KCNQ3: variants seen among roughly 807,000 people sequenced by gnomAD.
The protein encoded by KCNQ3 is potassium voltage-gated channel subfamily KQT member 3.
Under a neutral mutation model 92.5 loss-of-function variants are expected in KCNQ3, and 30 were observed. That is an observed-to-expected ratio of 0.32 (90% confidence interval 0.24 to 0.44). The LOEUF is 0.44. Among genes scored for constraint, KCNQ3 ranks in the 20% least tolerant of loss-of-function variants. KCNQ3 has a pLI of 1.00. For missense variants in KCNQ3, 913 were observed against 1,140.3 expected, an observed-to-expected ratio of 0.80 and a Z score of 2.87; for synonymous variants, 450 against 468.8, an observed-to-expected ratio of 0.96 and a Z score of 0.52.
chr8:132,157,844 A>T (rs1344124843), intron 9 of KCNQ3, among the ~76,000 whole-genome samples: 2 of 151,916 alleles, frequency 1.3e-5, no homozygotes, highest in Non-Finnish European at 2.9e-5. Flanking sequence ...CCATCCACCG[A>T]CAGGCCCCGG....
intron 1 of KCNQ3, among the ~76,000 whole-genome samples, chr8:132,379,752 CT>C (rs1819696729): frequency 6.6e-6 from 1 of 152,178 alleles, no homozygotes. Context: ...ATTTATTCAT[CT>C]AGCTAATTGT....
chr8:132,224,081 A>ATTTTTTTTTTTTTTTTTTTTTTTTTT lies in KCNQ3; in HGVS notation c.387-37926_387-37901dup, dbSNP rs1164773143. On this transcript the variant is annotated intron_variant, in intron 1 of 14. Coordinates refer to ENST00000388996, the MANE Select transcript of KCNQ3 (RefSeq NM_004519.4). ...CAGACACACACCATCATGCCAGGCT[A>ATTTTTTTTTTTTTTTTTTTTTTTTTT]TTTTTTTTTTTTTTTTTTTTTTTTT... is the stretch of plus-strand genomic sequence containing the variant. Among the ~76,000 whole-genome samples, 9 of 39,460 alleles carry ATTTTTTTTTTTTTTTTTTTTTTTTTT rather than the reference A, an allele frequency of 2.3e-4. 1 individual carries two copies. The highest frequency in any genetic ancestry group is 4.1e-4 in the Non-Finnish European group (8 of 19,696). The allele number at this position is 39,460 out of a possible 152,430, so 25.9% of individuals were successfully genotyped here.
intron 9 of KCNQ3, among the ~76,000 whole-genome samples, chr8:132,159,299 A>ATTCT (rs965674043): frequency 1.3e-5 from 2 of 152,172 alleles, no homozygotes; most frequent in Admixed American, 1.3e-4. Context: ...TTCGTCCCTC[A>ATTCT]TTCTTTGAGG....
At chr8:132,179,633 T>C (rs1248400001) in intron 4 of KCNQ3, among the ~76,000 whole-genome samples, 1 of 152,178 alleles carries the variant, frequency 6.6e-6, no homozygotes, top group African/African-American at 2.4e-5. Flanking sequence ...CACATATCAA[T>C]TCATTTCATC....
intron 8 of KCNQ3, among the ~76,000 whole-genome samples, chr8:132,166,941 G>C (rs1043747163): frequency 3.9e-5 from 6 of 152,132 alleles, no homozygotes; most frequent in Non-Finnish European, 7.4e-5. Context: ...ATACCCAAGA[G>C]AGTTGAAAAC....
chr8:132,196,875 A>G (rs1827312864), intron 1 of KCNQ3, among the ~76,000 whole-genome samples: 1 of 152,216 alleles, frequency 6.6e-6, no homozygotes, highest in South Asian at 2.1e-4. Flanking sequence ...AATAGGGATG[A>G]AAATAGCTCC....
At chr8:132,439,379 G>A (rs149365669) in intron 1 of KCNQ3, among the ~76,000 whole-genome samples, 284 of 152,190 alleles carry the variant, frequency 1.9e-3, no homozygotes, top group African/African-American at 5.3e-3. Context: ...CAGCAGGACC[G>A]CGGCTTCATG....
At chr8:132,294,194 G>A (rs924085391) in intron 1 of KCNQ3, among the ~76,000 whole-genome samples, 1 of 152,002 alleles carries the variant, frequency 6.6e-6, no homozygotes, top group Non-Finnish European at 1.5e-5. Context: ...GTAGAGACAG[G>A]GTTTCACCGT....
rs1824733232 is a variant in KCNQ3, at chr8:132,128,222, G to GT, written c.*1039dup. 1 of 152,152 alleles carries GT rather than the reference G, an allele frequency of 6.6e-6. No individual in the cohort carries two copies. The highest frequency in any genetic ancestry group is 2.4e-5 in the African/African-American group (1 of 41,426). 9.4% of individuals were successfully genotyped at this position (152,152 alleles called of 1,614,324 possible). ...GGGCAGACCTGACTTTTGAGTCCTGGTTCTCTATGGGACAACTGAGTGACT... is the reference window on the plus strand; with the variant it reads ...GGGCAGACCTGACTTTTGAGTCCTGGTTTCTCTATGGGACAACTGAGTGACT... On this transcript the variant is annotated 3_prime_UTR_variant, in exon 15 of 15. Coordinates refer to ENST00000388996, the MANE Select transcript of KCNQ3 (RefSeq NM_004519.4).
intron 1 of KCNQ3, chr8:132,186,623 A>G: frequency 3.3e-6 from 1 of 303,506 alleles, no homozygotes; most frequent in Non-Finnish European, 6.4e-6. Flanking sequence ...ACACAAATTT[A>G]TTCCAAAGAT....
chr8:132,452,313 T>C (rs1014568270), intron 1 of KCNQ3, among the ~76,000 whole-genome samples: 1 of 152,208 alleles, frequency 6.6e-6, no homozygotes, highest in Non-Finnish European at 1.5e-5. Context: ...TAAACTCCTC[T>C]AGGTGCCTCT....
At chr8:132,353,062 T>C (rs1479654759) in intron 1 of KCNQ3, among the ~76,000 whole-genome samples, 1 of 152,154 alleles carries the variant, frequency 6.6e-6, no homozygotes, top group Non-Finnish European at 1.5e-5. Flanking sequence ...CTGTCTCTAC[T>C]GAAAATACAA....
chr8:132,212,983 T>C (rs1396439501), intron 1 of KCNQ3, among the ~76,000 whole-genome samples: 1 of 152,228 alleles, frequency 6.6e-6, no homozygotes, highest in Non-Finnish European at 1.5e-5. Flanking sequence ...GTGCAGCCTC[T>C]GTATTCACTA....
chr8:132,480,680 A>AC lies in KCNQ3; in HGVS notation c.-149_-148insG. 2 of 624,632 alleles carry AC rather than the reference A, an allele frequency of 3.2e-6. No individual in the cohort carries two copies. The highest frequency in any genetic ancestry group is 3.8e-6 in the Non-Finnish European group (2 of 526,468). The allele number at this position is 624,632 out of a possible 1,614,324, so 38.7% of individuals were successfully genotyped here. ...CGCGCGCCCCTCCCCACCCCCCCCC[A>AC]AAAGCAGGCAAAGGCGGGCCCCCTG... On this transcript the variant is annotated 5_prime_UTR_variant, in exon 1 of 15. Transcript: ENST00000388996.
intron 1 of KCNQ3, among the ~76,000 whole-genome samples, chr8:132,318,767 C>G (rs1419720720): frequency 1.3e-5 from 2 of 152,192 alleles, no homozygotes; most frequent in East Asian, 3.8e-4. Context: ...GAACAATTTG[C>G]TGAGTGCCAA....
chr8:132,412,759 A>G (rs1367525564), intron 1 of KCNQ3, among the ~76,000 whole-genome samples: 2 of 152,192 alleles, frequency 1.3e-5, no homozygotes, highest in Non-Finnish European at 2.9e-5. Context: ...GGAAGAGGAC[A>G]GTCCATCACT....
At chr8:132,269,103 A>G (rs770940688) in intron 1 of KCNQ3, among the ~76,000 whole-genome samples, 11 of 152,248 alleles carry the variant, frequency 7.2e-5, no homozygotes, top group Non-Finnish European at 1.3e-4. Flanking sequence ...TTTTCTTTGT[A>G]TATTTGGACA....
At chr8:132,305,098 C>T (rs1233713076) in intron 1 of KCNQ3, among the ~76,000 whole-genome samples, 5 of 152,170 alleles carry the variant, frequency 3.3e-5, no homozygotes, top group Admixed American at 3.3e-4. Flanking sequence ...AGCTCCCTGT[C>T]TGGCTGGCTT....
chr8:132,237,021 A>G (rs990195210), intron 1 of KCNQ3, among the ~76,000 whole-genome samples: 3 of 152,204 alleles, frequency 2.0e-5, no homozygotes, highest in African/African-American at 7.2e-5. Context: ...GATTGAGGTG[A>G]GAATGCAGCC....
Sources: gnomAD v4.1 joint callset for allele counts (sites outside exome capture counted in the v4.1 genomes callset) on GRCh38, gnomAD v4.1.1 for gene constraint, MANE v1.5 for transcripts, NCBI Gene and HGNC (gene_info 2026-07-23, HGNC 2026-07-21) for gene names.